Variants in CAST observed in about 807,000 individuals in gnomAD.
The protein encoded by CAST is MIR583 host.
CAST carries 76 observed loss-of-function variants against 119.6 expected under a neutral mutation model. That is an observed-to-expected ratio of 0.64 (90% CI 0.53 to 0.77). The LOEUF is 0.77. CAST is among the 30% of genes least tolerant of loss of function. The probability of loss-of-function intolerance (pLI) is 0.00; values close to 1 mark genes in which losing one functional copy is unlikely to be tolerated. For synonymous variants in CAST, 319 were observed against 331.6 expected, an observed-to-expected ratio of 0.96 and a Z score of 0.41; for missense variants, 953 against 946.5, an observed-to-expected ratio of 1.01 and a Z score of -0.09.
At chr5:96,362,120 G>A in the CAST span, among the ~76,000 whole-genome samples, 4 of 152,044 alleles carry the variant, frequency 2.6e-5, no homozygotes, top group Non-Finnish European at 1.5e-5. Flanking sequence ...TGCTGAGAAT[G>A]ATGGTTTCCA....
chr5:96,596,414 C>T (rs1464604559), intron 1 of CAST, among the ~76,000 whole-genome samples: 3 of 152,170 alleles, frequency 2.0e-5, no homozygotes, highest in Non-Finnish European at 1.5e-5. Flanking sequence ...CCAGAAGGAA[C>T]GACCCCACCA....
chr5:96,399,881 G>T, the CAST span: 1 of 1,209,480 alleles, frequency 8.3e-7, no homozygotes, highest in Non-Finnish European at 1.2e-6. Flanking sequence ...AAAAAATCAG[G>T]CAGAATGGCA....
At chr5:95,962,827 T>C in the CAST span, among the ~76,000 whole-genome samples, 2 of 152,186 alleles carry the variant, frequency 1.3e-5, no homozygotes, top group South Asian at 4.1e-4. Flanking sequence ...TTGTCCTTTT[T>C]ATTTGATAGG....
the CAST span, among the ~76,000 whole-genome samples, chr5:96,331,263 C>A: frequency 6.6e-6 from 1 of 152,180 alleles, no homozygotes; most frequent in African/African-American, 2.4e-5. Context: ...TCTCCTTTAT[C>A]TTTCCTTAAA....
chr5:96,200,466 A>C, the CAST span, among the ~76,000 whole-genome samples: 2 of 152,154 alleles, frequency 1.3e-5, no homozygotes, highest in East Asian at 3.9e-4. Flanking sequence ...TATATCTGCC[A>C]ACCGGAAAGA....
chr5:95,990,347 T>C, the CAST span, among the ~76,000 whole-genome samples: 1 of 152,060 alleles, frequency 6.6e-6, no homozygotes, highest in African/African-American at 2.4e-5. Context: ...GTTTAAACAA[T>C]TTGATGAGGA....
chr5:96,702,982 C>T, intron 3 of CAST: 1 of 975,486 alleles, frequency 1.0e-6, no homozygotes, highest in Non-Finnish European at 1.2e-6. Flanking sequence ...CCTGTGCCCC[C>T]GGCTACCTGC....
chr5:96,482,656 G>C, the CAST span, among the ~76,000 whole-genome samples: 4 of 152,030 alleles, frequency 2.6e-5, no homozygotes, highest in African/African-American at 9.7e-5. Context: ...CTCTGATCTG[G>C]TGATTGTCAT....
rs555591508 is a variant in CAST, at chr5:96,694,028, C to CG, written c.139-1808_139-1807insG. Among the ~76,000 whole-genome samples, 6 of 152,232 alleles carry CG rather than the reference C, an allele frequency of 3.9e-5. No individual in the cohort carries two copies. In the South Asian group the frequency reaches 1.2e-3, roughly 32 times the overall value. On this transcript the variant is annotated intron_variant, in intron 2 of 31. Transcript: ENST00000675179. ...GAGATTGTGCTTTGAGGACAGCAAACTAAGTTTTGATTTTGGGGCATGCTA... is the reference window on the plus strand; with the variant it reads ...GAGATTGTGCTTTGAGGACAGCAAACGTAAGTTTTGATTTTGGGGCATGCTA...
the CAST span, among the ~76,000 whole-genome samples, chr5:96,270,994 T>C: frequency 7.1e-6 from 1 of 140,670 alleles, no homozygotes; most frequent in Non-Finnish European, 1.6e-5. Context: ...TAACAGCAAA[T>C]AATATTTAAA....
At chr5:96,714,600 G>T (rs1157910230) in intron 3 of CAST, 1 of 152,172 alleles carries the variant, frequency 6.6e-6, no homozygotes, top group African/African-American at 2.4e-5. Flanking sequence ...AAAGTAGGCT[G>T]CATTTTCTGG....
upstream of CAST, among the ~76,000 whole-genome samples, chr5:96,527,766 GC>G (rs1745622640): frequency 1.3e-5 from 2 of 152,254 alleles, no homozygotes; most frequent in East Asian, 1.9e-4. Flanking sequence ...TTGAGCACAA[GC>G]CCATTCTAGA....
the CAST span, among the ~76,000 whole-genome samples, chr5:96,075,134 G>A: frequency 6.6e-6 from 1 of 152,230 alleles, no homozygotes; most frequent in African/African-American, 2.4e-5. Context: ...TTTGTTCATT[G>A]GCTCACAGTC....
At chr5:96,265,392 G>A in the CAST span, among the ~76,000 whole-genome samples, 1 of 152,068 alleles carries the variant, frequency 6.6e-6, no homozygotes, top group African/African-American at 2.4e-5. Context: ...ACGCAGGAAA[G>A]CCAGTGATGT....
the CAST span, among the ~76,000 whole-genome samples, chr5:96,000,799 A>G: frequency 4.6e-5 from 7 of 152,208 alleles, no homozygotes; most frequent in African/African-American, 1.4e-4. Context: ...GTATATCTCA[A>G]AAAATTTATG....
the CAST span, among the ~76,000 whole-genome samples, chr5:96,314,110 A>G: frequency 2.0e-5 from 3 of 152,182 alleles, no homozygotes; most frequent in African/African-American, 7.2e-5. Context: ...TTCTAATGGA[A>G]TTGTTAGAAG....
the CAST span, among the ~76,000 whole-genome samples, chr5:96,057,159 G>A: frequency 1.3e-5 from 2 of 152,268 alleles, no homozygotes; most frequent in East Asian, 3.9e-4. Context: ...TGAACATTTG[G>A]CAACCTGTGG....
At chr5:96,336,582 C>T in the CAST span, among the ~76,000 whole-genome samples, 2 of 152,216 alleles carry the variant, frequency 1.3e-5, no homozygotes, top group African/African-American at 4.8e-5. Context: ...GGACTGCCCT[C>T]TAGAGGTTCC....
chr5:96,245,555 AC>A, the CAST span, among the ~76,000 whole-genome samples: 1 of 151,880 alleles, frequency 6.6e-6, no homozygotes, highest in Non-Finnish European at 1.5e-5. Flanking sequence ...AACAGAGTTT[AC>A]TTAGTTTACA....
Sources: gnomAD v4.1 joint callset for allele counts (sites outside exome capture counted in the v4.1 genomes callset) on GRCh38, gnomAD v4.1.1 for gene constraint, MANE v1.5 for transcripts, NCBI Gene and HGNC (gene_info 2026-07-23, HGNC 2026-07-21) for gene names.